Variants in CNTN5 observed in about 807,000 individuals in gnomAD.
CNTN5 encodes the protein contactin 5, also known as contactin-5.
Under a neutral mutation model 129.1 loss-of-function variants are expected in CNTN5, and 77 were observed. That is an observed-to-expected ratio of 0.60 (90% CI 0.50 to 0.72). CNTN5 has a LOEUF of 0.72. Among genes scored for constraint, CNTN5 ranks in the 30% least tolerant of loss-of-function variants. CNTN5 has a pLI of 0.00. For synonymous variants in CNTN5, 509 were observed against 465.6 expected, an observed-to-expected ratio of 1.09 and a Z score of -1.20; for missense variants, 1,478 against 1,328.8, an observed-to-expected ratio of 1.11 and a Z score of -1.75.
At chr11:99,755,813 A>G (rs1944387705) in intron 3 of CNTN5, among the ~76,000 whole-genome samples, 1 of 152,092 alleles carries the variant, frequency 6.6e-6, no homozygotes. Context: ...CTTAAGAAGT[A>G]TATTTTTATA....
intron 13 of CNTN5, among the ~76,000 whole-genome samples, chr11:100,120,178 A>T (rs1945970669): frequency 6.6e-6 from 1 of 151,940 alleles, no homozygotes; most frequent in Non-Finnish European, 1.5e-5. Flanking sequence ...TTAAAATGGA[A>T]ATACTTAAGC....
chr11:99,596,411 G>A (rs1340880196), intron 3 of CNTN5, among the ~76,000 whole-genome samples: 1 of 152,064 alleles, frequency 6.6e-6, no homozygotes, highest in Non-Finnish European at 1.5e-5. Context: ...AAAGATCACA[G>A]CAAACTACCA....
At chr11:99,970,855 A>G (rs921276640) in intron 8 of CNTN5, among the ~76,000 whole-genome samples, 6 of 152,116 alleles carry the variant, frequency 3.9e-5, no homozygotes, top group Non-Finnish European at 7.4e-5. Context: ...TTTATAGTCC[A>G]TTACTTGCCT....
At chr11:99,719,758 T>C (rs921486548) in intron 3 of CNTN5, among the ~76,000 whole-genome samples, 2 of 151,848 alleles carry the variant, frequency 1.3e-5, no homozygotes, top group African/African-American at 2.4e-5. Flanking sequence ...GAGTTGTTTT[T>C]TGAAAAAAAT....
At chr11:100,010,862 G>A (rs964601566) in intron 9 of CNTN5, among the ~76,000 whole-genome samples, 10 of 152,086 alleles carry the variant, frequency 6.6e-5, no homozygotes, top group South Asian at 2.1e-4. Context: ...TAAGGCTTAC[G>A]TCAAATGCCC....
At chr11:99,052,232 T>C (rs1864456526) in intron 1 of CNTN5, among the ~76,000 whole-genome samples, 1 of 151,808 alleles carries the variant, frequency 6.6e-6, no homozygotes, top group Non-Finnish European at 1.5e-5. Flanking sequence ...CACAGAGAGA[T>C]AACATACATG....
intron 6 of CNTN5, among the ~76,000 whole-genome samples, chr11:99,846,934 A>T (rs1802647219): frequency 6.6e-6 from 1 of 152,230 alleles, no homozygotes; most frequent in Non-Finnish European, 1.5e-5. Context: ...TATTTTGGAA[A>T]ATATTATGTG....
intron 2 of CNTN5, among the ~76,000 whole-genome samples, chr11:99,375,808 C>T (rs1005460883): frequency 1.3e-5 from 2 of 152,056 alleles, no homozygotes; most frequent in Non-Finnish European, 2.9e-5. Flanking sequence ...GGTCTCAATC[C>T]TAGAAAGCAC....
intron 2 of CNTN5, among the ~76,000 whole-genome samples, chr11:99,411,354 A>G (rs1202038504): frequency 6.6e-6 from 1 of 152,058 alleles, no homozygotes; most frequent in Non-Finnish European, 1.5e-5. Context: ...CCCCATATCC[A>G]CAAAAAAATA....
intron 9 of CNTN5, among the ~76,000 whole-genome samples, chr11:100,010,833 G>A (rs951738777): frequency 6.6e-6 from 1 of 151,958 alleles, no homozygotes; most frequent in Non-Finnish European, 1.5e-5. Context: ...TATCTATCCT[G>A]CCCCACAATC....
intron 13 of CNTN5, among the ~76,000 whole-genome samples, chr11:100,190,474 A>T (rs1948446145): frequency 6.6e-6 from 1 of 152,172 alleles, no homozygotes; most frequent in Non-Finnish European, 1.5e-5. Flanking sequence ...AAAATTTTTA[A>T]CAACGCTTTA....
chr11:100,133,222 C>T (rs1946428434), intron 13 of CNTN5, among the ~76,000 whole-genome samples: 1 of 151,974 alleles, frequency 6.6e-6, no homozygotes, highest in South Asian at 2.1e-4. Flanking sequence ...TGAGTTCAAC[C>T]CATCACCCTT....
chr11:99,884,148 T>TA (rs1421441404), intron 6 of CNTN5, among the ~76,000 whole-genome samples: 7 of 152,160 alleles, frequency 4.6e-5, no homozygotes. Flanking sequence ...TCAGAAATTC[T>TA]ATATAGACCT....
chr11:99,947,371 C>T (rs1462733149), intron 7 of CNTN5, among the ~76,000 whole-genome samples: 4 of 149,234 alleles, frequency 2.7e-5, no homozygotes, highest in Admixed American at 1.3e-4. Context: ...AACAGGTGAG[C>T]AATAGGGACA....
intron 1 of CNTN5, among the ~76,000 whole-genome samples, chr11:99,162,718 G>A (rs529574433): frequency 1.1e-4 from 16 of 152,226 alleles, no homozygotes; most frequent in Admixed American, 9.2e-4. Context: ...ACTTGACTTA[G>A]GTATGACTAG....
chr11:99,911,394 C>T (rs1949655052), intron 6 of CNTN5, among the ~76,000 whole-genome samples: 1 of 151,852 alleles, frequency 6.6e-6, no homozygotes, highest in Non-Finnish European at 1.5e-5. Context: ...CTCAACATTG[C>T]CACTTATTCA....
Position 100,191,348 on chromosome 11 carries a change from A to C in CNTN5, c.1708+95A>C, listed in dbSNP as rs1021719475. ...TATAAATGCATATATGTTTGGACTT[A>C]AGTGTGTGCATGCTTGTGTTTATAA... On this transcript the variant is annotated intron_variant, in intron 14 of 24. Transcript: ENST00000524871. 8.4e-5 allele frequency: 83 copies of C among 986,106 alleles called. No homozygotes were observed. The South Asian group carries it at 1.3e-3, about 16-fold the overall frequency. 61.1% of individuals were successfully genotyped at this position (986,106 alleles called of 1,614,324 possible). A position where few individuals can be genotyped will look rare whatever the true frequency, so the allele number is the denominator to read the frequency against.
intron 9 of CNTN5, among the ~76,000 whole-genome samples, chr11:100,014,339 A>G (rs1454787661): frequency 6.6e-6 from 1 of 152,142 alleles, no homozygotes; most frequent in East Asian, 1.9e-4. Context: ...CCAGACATTT[A>G]AAACCTCTCA....
intron 21 of CNTN5, among the ~76,000 whole-genome samples, chr11:100,316,988 C>T (rs1469382848): frequency 6.6e-6 from 1 of 152,188 alleles, no homozygotes; most frequent in Non-Finnish European, 1.5e-5. Flanking sequence ...GTTTGGGCTA[C>T]GTGCAAGGTT....
Sources: allele counts gnomAD v4.1 joint callset (sites outside exome capture counted in the v4.1 genomes callset), GRCh38; gene constraint gnomAD v4.1.1; transcripts MANE v1.5; gene names NCBI Gene and HGNC (gene_info 2026-07-23, HGNC 2026-07-21).